The following FAP variants were observed in gnomAD, a reference collection of about 807,000 sequenced individuals.
FAP encodes the protein prolyl endopeptidase FAP.
FAP carries 110 observed loss-of-function variants against 126.5 expected under a neutral mutation model. The ratio of observed to expected loss-of-function variants is 0.87; its 90% CI spans 0.74 to 1.02. The LOEUF (loss-of-function observed/expected upper bound fraction) is 1.02. Ranked by LOEUF, FAP falls within the 50% of genes least tolerant of loss-of-function variation. FAP has a pLI of 0.00. For missense variants in FAP, 919 were observed against 909.2 expected (o/e 1.01, Z -0.14); for synonymous variants, 334 against 297.3 (o/e 1.12, Z -1.27).
At chr2:162,202,804 A>G in intron 14 of FAP, 68 bp downstream of exon 14, 3 of 1,115,398 alleles carry the variant, frequency 2.7e-6, no homozygotes, top group Non-Finnish European at 4.1e-6. Context: ...GAGTTGGTAC[A>G]GTATCATTTA....
chr2:162,188,263 C>A lies in FAP; in HGVS notation c.1720G>T (p.Gly574Cys). The change falls in exon 20 of 26, where the codon GGT (glycine) becomes TGT (cysteine). Residue 574 changes from glycine (G) to cysteine (C), a missense_variant. Transcript: ENST00000188790. ...TCACCTTGGAAAGCTGTTCCTCGAC[C>A]ATCCACCAAGGCAATGACCATCCCT... is the stretch of plus-strand genomic sequence containing the variant. ...KEGMVIALVD[G>C]RGTAFQGDKL... 6.2e-7 allele frequency: 1 copy of A among 1,613,322 alleles called. No homozygotes were observed. Among genetic ancestry groups the A allele is most frequent in the African/African-American group, 1.3e-5 (1 of 74,956 alleles).
chr2:162,224,557 G>A lies in FAP; in HGVS notation c.286-17C>T, dbSNP rs1462336360. Reference sequence around the variant, plus strand: ...CACACTTTTCTGAAATTATGAAGAGGTTGATTAGAATACAGAAAAGATAAC... The same window carrying A: ...CACACTTTTCTGAAATTATGAAGAGATTGATTAGAATACAGAAAAGATAAC... On this transcript the variant is annotated splice_polypyrimidine_tract_variant and intron_variant, in intron 4 of 25. Transcript: ENST00000188790. 1.3e-6 allele frequency: 2 copies of A among 1,513,668 alleles called. No individual in the cohort carries two copies. The highest frequency in any genetic ancestry group is 1.4e-5 in the African/African-American group (1 of 71,714). The allele number at this position is 1,513,668 out of a possible 1,614,324, so 93.8% of individuals were successfully genotyped here.
chr2:162,194,854 T>C, intron 16 of FAP, 106 bp from the exon 17 acceptor site: 1 of 928,782 alleles, frequency 1.1e-6, no homozygotes, highest in Admixed American at 1.8e-5. Flanking sequence ...TGCCAGTACA[T>C]CTTTTAATTC....
At chr2:162,203,973 T>C (rs969347180) in intron 12 of FAP, among the ~76,000 whole-genome samples, 16 of 152,354 alleles carry the variant, frequency 1.1e-4, no homozygotes, top group African/African-American at 3.8e-4. Flanking sequence ...GCTGACTTTT[T>C]TTCCCCATTG....
At chr2:162,189,598 A>C (rs1393503916) in intron 18 of FAP, 58 bp downstream of exon 18, 1 of 948,358 alleles carries the variant, frequency 1.1e-6, no homozygotes, top group Non-Finnish European at 1.6e-6. Context: ...GCTTTTTTAA[A>C]AGCAAGAAAA....
intron 21 of FAP, chr2:162,176,398 C>A (rs932000393): frequency 2.6e-5 from 4 of 152,058 alleles, no homozygotes; most frequent in African/African-American, 9.7e-5. Flanking sequence ...TCAGATTGTA[C>A]CATGGCCTCT....
chr2:162,202,790 A>G, intron 14 of FAP, 82 bp downstream of exon 14: 2 of 979,906 alleles, frequency 2.0e-6, no homozygotes, highest in Non-Finnish European at 1.6e-6. Flanking sequence ...CTTCTTAACT[A>G]AGAGAGTTGG....
intron 14 of FAP, among the ~76,000 whole-genome samples, chr2:162,200,989 C>A (rs1688475059): frequency 1.3e-5 from 2 of 152,140 alleles, no homozygotes; most frequent in Non-Finnish European, 2.9e-5. Flanking sequence ...TCTGAACACA[C>A]CTTGAATTTA....
At chr2:162,180,996 C>T (rs191596582) in intron 21 of FAP, among the ~76,000 whole-genome samples, 2 of 152,202 alleles carry the variant, frequency 1.3e-5, no homozygotes, top group East Asian at 1.9e-4. Context: ...AAATGGAGGC[C>T]GGATGCGGTA....
At chr2:162,230,657 T>C (rs1004954899) in intron 2 of FAP, among the ~76,000 whole-genome samples, 5 of 152,084 alleles carry the variant, frequency 3.3e-5, no homozygotes, top group Admixed American at 3.3e-4. Context: ...TCTTTTGCCT[T>C]CATTTAAATA....
intron 2 of FAP, among the ~76,000 whole-genome samples, chr2:162,239,942 T>C (rs548329087): frequency 6.6e-6 from 1 of 152,362 alleles, no homozygotes; most frequent in Admixed American, 6.5e-5. Context: ...TTTTTGCTTT[T>C]GTAACCTCTG....
chr2:162,215,115 T>C (rs1689114412), intron 10 of FAP, among the ~76,000 whole-genome samples: 1 of 152,168 alleles, frequency 6.6e-6, no homozygotes, highest in South Asian at 2.1e-4. Flanking sequence ...TATAAAGTCA[T>C]GTTTGATTAT....
At chr2:162,225,134 C>T (rs373481980) in intron 4 of FAP, among the ~76,000 whole-genome samples, 17 of 152,198 alleles carry the variant, frequency 1.1e-4, no homozygotes, top group African/African-American at 3.1e-4. Context: ...AGGAAAATAC[C>T]GAGGCATAGT....
chr2:162,183,336 A>C, intron 21 of FAP, 78 bp downstream of exon 21: 1 of 1,077,974 alleles, frequency 9.3e-7, no homozygotes, highest in Non-Finnish European at 1.4e-6. Flanking sequence ...ATTTCATGAG[A>C]AACCTTCTAA....
In FAP at chr2:162,188,111, T is replaced by C. The variant is rs532083451; in HGVS notation, c.1814+58A>G. 1.7e-5 allele frequency: 23 copies of C among 1,351,882 alleles called. No homozygotes were observed. The African/African-American group carries it at 3.2e-4, about 19-fold the overall frequency. 83.7% of individuals were successfully genotyped at this position (1,351,882 alleles called of 1,614,324 possible). On this transcript the variant is annotated intron_variant, in intron 20 of 25. Coordinates refer to ENST00000188790, the MANE Select transcript of FAP (RefSeq NM_004460.5). ...AGTCATGAAGAATGGAGAAACACAA[T>C]AGTGATTGCATGACTTTTGTTGCAT...
chr2:162,201,084 G>A (rs890788647), intron 14 of FAP, among the ~76,000 whole-genome samples: 1 of 152,262 alleles, frequency 6.6e-6, no homozygotes, highest in African/African-American at 2.4e-5. Flanking sequence ...TGTCAATTTA[G>A]CCAGATGCAA....
At chr2:162,212,794 G>T (rs1688995592) in intron 11 of FAP, among the ~76,000 whole-genome samples, 1 of 152,076 alleles carries the variant, frequency 6.6e-6, no homozygotes, top group Admixed American at 6.6e-5. Flanking sequence ...CCTATTTAAA[G>T]AAAATATTTT....
intron 17 of FAP, among the ~76,000 whole-genome samples, chr2:162,190,530 G>T (rs1251023324): frequency 6.6e-6 from 1 of 152,044 alleles, no homozygotes. Flanking sequence ...CAAATCCATT[G>T]ATCTCTTGAA....
rs765710279 is a variant in FAP at position 162,215,929 on chromosome 2, C to T, written c.835G>A (p.Glu279Lys). The T allele has an allele frequency of 2.9e-5, 47 of 1,614,010 alleles. 1 individual carries two copies. The South Asian group carries it at 5.1e-4, about 17-fold the overall frequency. The change falls in exon 10 of 26, where the codon GAA becomes AAA. Residue 279 changes from glutamate (E) to lysine (K), a missense_variant. Physicochemically the swap from Glu to Lys is moderately conservative, Grantham distance 56. Transcript: ENST00000188790. ...GCTATCATTGCTGGAACAGGCACTTCCTGGGGACCTACATACGCAGGGTAA... is the reference window on the plus strand; with the variant it reads ...GCTATCATTGCTGGAACAGGCACTTTCTGGGGACCTACATACGCAGGGTAA... ...TTYPAYVGPQ[E>K]VPVPAMIASS...
Sources: gnomAD v4.1 joint callset for allele counts (sites outside exome capture counted in the v4.1 genomes callset) on GRCh38, gnomAD v4.1.1 for gene constraint, MANE v1.5 for transcripts, NCBI Gene and HGNC (gene_info 2026-07-23, HGNC 2026-07-21) for gene names.